COL8A1: variants seen among roughly 807,000 people sequenced by gnomAD.
COL8A1 encodes the protein collagen type VIII alpha 1 chain.
In COL8A1, 21 loss-of-function variants were observed where a neutral mutation model predicts 42.7. That is an observed-to-expected ratio of 0.49 (90% CI 0.35 to 0.71). COL8A1 has a LOEUF of 0.71. COL8A1 is among the 30% of genes least tolerant of loss of function. The pLI is 0.01. For missense variants in COL8A1, 788 were observed against 962.4 expected (o/e 0.82, Z 2.40); for synonymous variants, 367 against 369.1 (o/e 0.99, Z 0.06).
At position 99,795,171 on chromosome 3, in the gene COL8A1, C is replaced by G; in HGVS notation, c.1270C>G (p.Pro424Ala). ...GEGGIVGPQG[P>A]PGPKGEPGLQ... The stretch of plus-strand genomic sequence containing the variant: ...AGGTGGGATTGTAGGGCCACAGGGG[C>G]CACCAGGTCCCAAGGGTGAGCCAGG... The change falls in exon 4 of 4, where the codon CCA becomes GCA. Residue 424 changes from proline to alanine, a missense_variant. This residue lies in a region of COL8A1 where 421 missense variants were observed against 553.1 expected (regional missense o/e 0.76). Coordinates refer to ENST00000652472, the MANE Select transcript of COL8A1 (RefSeq NM_020351.4). 1 of 1,613,718 alleles carries G rather than the reference C, an allele frequency of 6.2e-7. No homozygotes were observed. Among genetic ancestry groups the G allele is most frequent in the Non-Finnish European group, 8.5e-7 (1 of 1,179,822 alleles).
intron 1 of COL8A1, among the ~76,000 whole-genome samples, chr3:99,743,502 A>G (rs527766110): frequency 6.6e-6 from 1 of 152,326 alleles, no homozygotes; most frequent in African/African-American, 2.4e-5. Flanking sequence ...CATTTCGCAG[A>G]TAGAAGACAT....
intron 1 of COL8A1, among the ~76,000 whole-genome samples, chr3:99,665,227 G>A (rs1024150806): frequency 2.0e-5 from 3 of 152,322 alleles, no homozygotes; most frequent in African/African-American, 7.2e-5. Context: ...TCTACTCCCA[G>A]CCTCTCACTT....
chr3:99,673,120 G>A (rs1052453950), intron 1 of COL8A1, among the ~76,000 whole-genome samples: 6 of 151,926 alleles, frequency 3.9e-5, no homozygotes, highest in South Asian at 2.1e-4. Context: ...TATACCTCAA[G>A]TGTACAAAGA....
intron 1 of COL8A1, among the ~76,000 whole-genome samples, chr3:99,720,753 A>C (rs967641473): frequency 6.6e-6 from 1 of 152,160 alleles, no homozygotes; most frequent in African/African-American, 2.4e-5. Context: ...AGAAAATGGA[A>C]GAACTGTCAT....
intron 1 of COL8A1, among the ~76,000 whole-genome samples, chr3:99,662,375 T>C (rs549944803): frequency 6.5e-4 from 79 of 120,728 alleles, no homozygotes; most frequent in Admixed American, 1.2e-3. Context: ...GGGCGAGACT[T>C]TGTCTCAAAA....
At chr3:99,753,955 A>G (rs1941204844) in intron 2 of COL8A1, among the ~76,000 whole-genome samples, 1 of 152,244 alleles carries the variant, frequency 6.6e-6, no homozygotes, top group African/African-American at 2.4e-5. Flanking sequence ...CTAGACAGCT[A>G]CTGGGAAGAT....
intron 1 of COL8A1, among the ~76,000 whole-genome samples, chr3:99,702,978 G>C (rs970364832): frequency 6.6e-6 from 1 of 152,200 alleles, no homozygotes; most frequent in Non-Finnish European, 1.5e-5. Flanking sequence ...TTTTGAATGG[G>C]GGGCATGTTT....
chr3:99,712,780 C>A (rs1483454191), intron 1 of COL8A1, among the ~76,000 whole-genome samples: 2 of 152,098 alleles, frequency 1.3e-5, no homozygotes, highest in African/African-American at 2.4e-5. Flanking sequence ...TTGCCCAGGT[C>A]TCTCCTTGTT....
intron 1 of COL8A1, among the ~76,000 whole-genome samples, chr3:99,694,307 A>C (rs1939307092): frequency 6.6e-6 from 1 of 151,986 alleles, no homozygotes; most frequent in African/African-American, 2.4e-5. Flanking sequence ...ACATGATGAA[A>C]CCCCATCTCT....
intron 1 of COL8A1, among the ~76,000 whole-genome samples, chr3:99,693,494 TGTGTAGGCCTAGGCCAATGTGTGTG>T (rs1939280947): frequency 6.6e-6 from 1 of 152,166 alleles, no homozygotes; most frequent in Non-Finnish European, 1.5e-5. Flanking sequence ...ATCTTGACCC[TGTGTAGGCCTAGGCCAATGTGTGTG>T]TTTGTGTTTT....
At position 99,773,063 on chromosome 3, in the gene COL8A1, A is replaced by C. The variant is rs541627446; in HGVS notation, c.-3-17617A>C. 5.9e-5 allele frequency among the ~76,000 whole-genome samples: 9 copies of C among 152,310 alleles called. No individual in the cohort carries two copies. In the East Asian group the frequency reaches 1.7e-3, roughly 29 times the overall value. On this transcript the variant is annotated intron_variant, in intron 2 of 3. Coordinates refer to ENST00000652472, the MANE Select transcript of COL8A1 (RefSeq NM_020351.4). ...CCTTGTCTTCAAAATGATTATAATA[A>C]TAGCAACTGCCTCCCAGGGTTACTG...
intron 1 of COL8A1, among the ~76,000 whole-genome samples, chr3:99,726,455 C>T (rs930874463): frequency 1.3e-5 from 2 of 151,302 alleles, no homozygotes; most frequent in African/African-American, 2.4e-5. Context: ...GTTGCCATTG[C>T]TTTTGATGTT....
At chr3:99,790,550 T>C (rs1941980878) in intron 2 of COL8A1, 130 bp from the exon 3 acceptor site, 1 of 705,012 alleles carries the variant, frequency 1.4e-6, no homozygotes, top group African/African-American at 1.8e-5. Flanking sequence ...TCCTTTTCAT[T>C]TGACTTCTAT....
Position 99,797,111 on chromosome 3 carries a change from T to G in COL8A1, c.*975T>G, listed in dbSNP as rs150345720. The G allele has an allele frequency of 1.0e-3, 153 of 152,370 alleles. 1 individual carries two copies. The highest frequency in any genetic ancestry group is 1.7e-3 in the Non-Finnish European group (114 of 68,038). 9.4% of individuals were successfully genotyped at this position (152,370 alleles called of 1,614,324 possible). A position where few individuals can be genotyped will look rare whatever the true frequency, so the allele number is the denominator to read the frequency against. ...TATTTGTAATAGCAGTTATCAGTTA[T>G]GCTTATATAGCATTAAAAATTCTCC... On this transcript the variant is annotated 3_prime_UTR_variant, in exon 4 of 4. Transcript: ENST00000652472.
At chr3:99,678,200 G>A (rs1938759264) in intron 1 of COL8A1, 5 of 152,094 alleles carry the variant, frequency 3.3e-5, no homozygotes, top group South Asian at 2.1e-4. Context: ...TTTAACATGC[G>A]GGTGAGCAAG....
chr3:99,687,145 G>A (rs1939079526), intron 1 of COL8A1, among the ~76,000 whole-genome samples: 1 of 152,158 alleles, frequency 6.6e-6, no homozygotes, highest in Admixed American at 6.5e-5. Context: ...CATCCGGCCT[G>A]TAACTGTCCA....
At chr3:99,683,301 A>G (rs1938946483) in intron 1 of COL8A1, among the ~76,000 whole-genome samples, 1 of 152,176 alleles carries the variant, frequency 6.6e-6, no homozygotes, top group South Asian at 2.1e-4. Flanking sequence ...TTGGCACATA[A>G]TAGCTACCAA....
chr3:99,705,608 A>T (rs180781836), intron 1 of COL8A1, among the ~76,000 whole-genome samples: 231 of 152,328 alleles, frequency 1.5e-3, no homozygotes, highest in Non-Finnish European at 8.7e-4. Context: ...GGTATCTATC[A>T]TAATACTGGT....
intron 1 of COL8A1, among the ~76,000 whole-genome samples, chr3:99,645,414 T>C (rs1207486463): frequency 6.6e-6 from 1 of 152,170 alleles, no homozygotes; most frequent in Non-Finnish European, 1.5e-5. Flanking sequence ...AAAGGGGATC[T>C]GTGGCAAAAA....
Sources: allele counts gnomAD v4.1 joint callset (sites outside exome capture counted in the v4.1 genomes callset), GRCh38; gene constraint gnomAD v4.1.1; regional missense constraint gnomAD v4.1.1; transcripts MANE v1.5; gene names NCBI Gene and HGNC (gene_info 2026-07-23, HGNC 2026-07-21).